The following CYP4X1 variants were observed in gnomAD, a reference collection of about 807,000 sequenced individuals.
CYP4X1 encodes the protein cytochrome P450 family 4 subfamily X member 1, also known as cytochrome P450 4X1.
CYP4X1 carries 44 observed loss-of-function variants against 57.9 expected under a neutral mutation model. The observed-to-expected ratio is 0.76, with a 90% CI of 0.60 to 0.98. The LOEUF is 0.98. Ranked by LOEUF, CYP4X1 falls within the 50% of genes least tolerant of loss-of-function variation. The pLI is 0.00. For synonymous variants in CYP4X1, 227 were observed against 228.6 expected, an observed-to-expected ratio of 0.99 and a Z score of 0.06; for missense variants, 532 against 623.9, an observed-to-expected ratio of 0.85 and a Z score of 1.57.
intron 5 of CYP4X1, 28 bp downstream of exon 5, chr1:47,035,961 T>A: frequency 6.2e-7 from 1 of 1,611,888 alleles, no homozygotes; most frequent in Non-Finnish European, 8.5e-7. Context: ...AAAAAAGATA[T>A]TTCTTCACAT....
the CYP4X1 span, among the ~76,000 whole-genome samples, chr1:47,008,639 A>C: frequency 1.3e-5 from 2 of 152,222 alleles, no homozygotes; most frequent in Non-Finnish European, 2.9e-5. Context: ...AAATTGGATA[A>C]AGAGTCAAGA....
chr1:46,965,296 C>T, the CYP4X1 span, among the ~76,000 whole-genome samples: 1 of 152,208 alleles, frequency 6.6e-6, no homozygotes, highest in East Asian at 1.9e-4. Context: ...GTGAGATGAA[C>T]CCAGTACCTC....
At chr1:47,012,503 C>CG in the CYP4X1 span, among the ~76,000 whole-genome samples, 1 of 151,798 alleles carries the variant, frequency 6.6e-6, no homozygotes, top group African/African-American at 2.4e-5. Context: ...CACATGTATA[C>CG]GTACGTAACA....
the CYP4X1 span, among the ~76,000 whole-genome samples, chr1:47,007,832 T>G: frequency 6.6e-6 from 1 of 152,134 alleles, no homozygotes; most frequent in African/African-American, 2.4e-5. Context: ...GTATCAGTGA[T>G]GGAACATCAA....
At chr1:47,009,479 C>A in the CYP4X1 span, among the ~76,000 whole-genome samples, 22 of 151,678 alleles carry the variant, frequency 1.5e-4, no homozygotes, top group African/African-American at 5.3e-4. Context: ...AAATTGACAC[C>A]CTAACATCAC....
the CYP4X1 span, among the ~76,000 whole-genome samples, chr1:46,980,713 T>G: frequency 7.9e-5 from 12 of 152,204 alleles, no homozygotes; most frequent in Admixed American, 7.9e-4. Flanking sequence ...GACATCATAC[T>G]ACCTGACTTC....
the CYP4X1 span, among the ~76,000 whole-genome samples, chr1:46,991,481 G>A: frequency 1.3e-5 from 2 of 152,160 alleles, no homozygotes; most frequent in African/African-American, 4.8e-5. Flanking sequence ...CTGGGCAGAA[G>A]TCCTATCCCA....
intron 1 of CYP4X1, among the ~76,000 whole-genome samples, chr1:47,027,192 T>C (rs1489312754): frequency 6.6e-6 from 1 of 152,178 alleles, no homozygotes; most frequent in Admixed American, 6.5e-5. Flanking sequence ...TTTTCTGTTT[T>C]TGAGAGGTTT....
At chr1:46,995,650 A>G in the CYP4X1 span, among the ~76,000 whole-genome samples, 9 of 152,320 alleles carry the variant, frequency 5.9e-5, no homozygotes, top group South Asian at 1.9e-3. Flanking sequence ...CTGGGATCAC[A>G]AGTTTCCTCC....
chr1:46,995,807 C>T, the CYP4X1 span, among the ~76,000 whole-genome samples: 93 of 152,322 alleles, frequency 6.1e-4, no homozygotes, highest in African/African-American at 2.0e-3. Context: ...CCAAAACCAA[C>T]GGCAGAAGGC....
At chr1:46,973,354 T>C in the CYP4X1 span, among the ~76,000 whole-genome samples, 1 of 152,192 alleles carries the variant, frequency 6.6e-6, no homozygotes, top group South Asian at 2.1e-4. Flanking sequence ...AATTTTTGCT[T>C]CTGTGTTCCT....
At chr1:47,020,437 T>A (rs1643983646), upstream of CYP4X1, among the ~76,000 whole-genome samples, 1 of 152,212 alleles carries the variant, frequency 6.6e-6, no homozygotes, top group Non-Finnish European at 1.5e-5. Flanking sequence ...CATTTTCTTC[T>A]CACCTGCATC....
intron 8 of CYP4X1, among the ~76,000 whole-genome samples, chr1:47,043,963 C>T (rs953096208): frequency 1.3e-5 from 2 of 152,092 alleles, no homozygotes; most frequent in Admixed American, 6.6e-5. Context: ...TCCAACCCTT[C>T]GCATTCACTC....
chr1:47,010,009 T>C, the CYP4X1 span, among the ~76,000 whole-genome samples: 237 of 152,348 alleles, frequency 1.6e-3, 2 homozygotes, highest in African/African-American at 5.3e-3. Flanking sequence ...CCATTCCTTC[T>C]GAAACTCTTC....
intron 2 of CYP4X1, 141 bp downstream of exon 2, chr1:47,030,272 T>C: frequency 9.6e-7 from 1 of 1,041,124 alleles, no homozygotes; most frequent in Non-Finnish European, 1.4e-6. Context: ...ACAGGTTTCC[T>C]ACCAATACTG....
chr1:46,968,243 C>G, the CYP4X1 span, among the ~76,000 whole-genome samples: 1 of 152,314 alleles, frequency 6.6e-6, no homozygotes, highest in South Asian at 2.1e-4. Context: ...TTACCCATGC[C>G]TGTAGCCTTA....
At chr1:46,980,349 G>C in the CYP4X1 span, among the ~76,000 whole-genome samples, 4 of 151,972 alleles carry the variant, frequency 2.6e-5, no homozygotes, top group African/African-American at 9.7e-5. Context: ...AAACAGAGAG[G>C]CAAATCATGA....
intron 9 of CYP4X1, among the ~76,000 whole-genome samples, chr1:47,046,894 C>T (rs1272400310): frequency 6.6e-6 from 1 of 152,156 alleles, no homozygotes; most frequent in Non-Finnish European, 1.5e-5. Flanking sequence ...CTAAGATAAT[C>T]TTTGTTTGGC....
the CYP4X1 span, among the ~76,000 whole-genome samples, chr1:46,962,997 C>G: frequency 6.6e-6 from 1 of 152,136 alleles, no homozygotes; most frequent in African/African-American, 2.4e-5. Context: ...ATCCCTTTAC[C>G]ATTATATAAT....
Sources: allele counts gnomAD v4.1 joint callset (sites outside exome capture counted in the v4.1 genomes callset), GRCh38; gene constraint gnomAD v4.1.1; transcripts MANE v1.5; gene names NCBI Gene and HGNC (gene_info 2026-07-23, HGNC 2026-07-21).